Variants in BICC1 observed in about 807,000 individuals in gnomAD.
The protein encoded by BICC1 is protein bicaudal C homolog 1.
Under a neutral mutation model 111.0 loss-of-function variants are expected in BICC1, and 43 were observed. The ratio of observed to expected loss-of-function variants is 0.39; its 90% confidence interval spans 0.30 to 0.50. The LOEUF is 0.50. Ranked by LOEUF, BICC1 falls within the 20% of genes least tolerant of loss-of-function variation. The pLI, the probability that BICC1 is intolerant of heterozygous loss-of-function variation, is 0.88. For missense variants in BICC1, 1,091 were observed against 1,203.2 expected, an observed-to-expected ratio of 0.91 and a Z score of 1.38; for synonymous variants, 467 against 434.4, an observed-to-expected ratio of 1.07 and a Z score of -0.93.
chr10:58,812,283 T>C (rs571621675), intron 17 of BICC1, among the ~76,000 whole-genome samples: 1 of 152,064 alleles, frequency 6.6e-6, no homozygotes, highest in East Asian at 1.9e-4. Context: ...CTTGGACTTT[T>C]GGCTGGAGCA....
At chr10:58,688,883 G>GT (rs1427980233) in intron 2 of BICC1, among the ~76,000 whole-genome samples, 2 of 152,056 alleles carry the variant, frequency 1.3e-5, no homozygotes, top group Admixed American at 1.3e-4. Context: ...CTGTTGGGGA[G>GT]TGGGGGGCTA....
At chr10:58,767,537 G>A (rs1023686897) in intron 3 of BICC1, among the ~76,000 whole-genome samples, 8 of 152,152 alleles carry the variant, frequency 5.3e-5, no homozygotes, top group African/African-American at 1.4e-4. Flanking sequence ...GCAGAAACCC[G>A]ACACCAGCAA....
At chr10:58,824,069 A>G in intron 20 of BICC1, 1 of 984,280 alleles carries the variant, frequency 1.0e-6, no homozygotes, top group Non-Finnish European at 1.2e-6. Flanking sequence ...GCATGTTAAA[A>G]TAGCAAATAA....
At position 58,566,245 on chromosome 10, in the gene BICC1, C is replaced by T. The variant is rs535668971; in HGVS notation, c.190+52912C>T. Among the ~76,000 whole-genome samples, 174 of 151,088 alleles carry T rather than the reference C, an allele frequency of 1.2e-3. 1 individual carries two copies. The highest frequency in any genetic ancestry group is 2.1e-3 in the Non-Finnish European group (145 of 67,798). On this transcript the variant is annotated intron_variant, in intron 1 of 20. Coordinates refer to ENST00000373886, the MANE Select transcript of BICC1 (RefSeq NM_001080512.3). Reference sequence around the variant, plus strand: ...ATGTGTATATCTATACATGTACACACGTGCATATACATACGTGCATATGTA... The same window carrying T: ...ATGTGTATATCTATACATGTACACATGTGCATATACATACGTGCATATGTA...
intron 3 of BICC1, among the ~76,000 whole-genome samples, chr10:58,722,887 AG>A (rs1045465061): frequency 2.0e-5 from 3 of 149,340 alleles, no homozygotes; most frequent in Non-Finnish European, 4.5e-5. Context: ...AGGAAATTAG[AG>A]GGTGGTGTTT....
At chr10:58,627,717 A>G (rs1448081948) in intron 2 of BICC1, among the ~76,000 whole-genome samples, 1 of 152,168 alleles carries the variant, frequency 6.6e-6, no homozygotes, top group African/African-American at 2.4e-5. Flanking sequence ...TGTCTTTTCA[A>G]TGTCATGTGA....
At chr10:58,782,633 A>G (rs985607428) in intron 3 of BICC1, among the ~76,000 whole-genome samples, 1 of 152,200 alleles carries the variant, frequency 6.6e-6, no homozygotes, top group Non-Finnish European at 1.5e-5. Flanking sequence ...ACCAAAGTTA[A>G]GGATAGTTGA....
At chr10:58,729,116 C>T (rs538660049) in intron 3 of BICC1, among the ~76,000 whole-genome samples, 1 of 152,316 alleles carries the variant, frequency 6.6e-6, no homozygotes, top group South Asian at 2.1e-4. Flanking sequence ...GAGCATCAGT[C>T]TGTCTTTGAA....
In BICC1 at chr10:58,712,544, A is replaced by G. The variant is rs193128968; in HGVS notation, c.307+10401A>G. Among the ~76,000 whole-genome samples, 26 of 152,326 alleles carry G rather than the reference A, an allele frequency of 1.7e-4. No homozygotes were observed. In the East Asian group the frequency reaches 4.8e-3, roughly 28 times the overall value. On this transcript the variant is annotated intron_variant, in intron 3 of 20. Transcript: ENST00000373886. ...CTAAAAAGATATGAGCTATCAAACT[A>G]TGAAAGGGCATGGAGGATTCAATCT...
At chr10:58,807,993 G>A (rs1390594928) in intron 17 of BICC1, among the ~76,000 whole-genome samples, 1 of 151,758 alleles carries the variant, frequency 6.6e-6, no homozygotes, top group Admixed American at 6.6e-5. Context: ...CTAATAACTA[G>A]CATTTGTAGA....
intron 1 of BICC1, among the ~76,000 whole-genome samples, chr10:58,584,886 A>G (rs1193574282): frequency 6.6e-6 from 1 of 152,194 alleles, no homozygotes; most frequent in Non-Finnish European, 1.5e-5. Context: ...AAGACTAACC[A>G]GTCAAGTTAT....
chr10:58,621,954 T>TAGAAC, intron 2 of BICC1, among the ~76,000 whole-genome samples: 1 of 67,562 alleles, frequency 1.5e-5, no homozygotes, highest in East Asian at 4.1e-4. Flanking sequence ...TAGAATAGAA[T>TAGAAC]AGAATAGAAT....
At chr10:58,625,263 G>A (rs912311263) in intron 2 of BICC1, among the ~76,000 whole-genome samples, 2 of 152,156 alleles carry the variant, frequency 1.3e-5, no homozygotes, top group African/African-American at 4.8e-5. Context: ...CTTTTAATCA[G>A]TTCTTTTTTT....
At chr10:58,572,527 A>G (rs1843990369) in intron 1 of BICC1, among the ~76,000 whole-genome samples, 1 of 152,184 alleles carries the variant, frequency 6.6e-6, no homozygotes, top group Non-Finnish European at 1.5e-5. Flanking sequence ...GACTAAAAAT[A>G]CATTATTTTC....
At chr10:58,750,798 T>G (rs757429032) in intron 3 of BICC1, among the ~76,000 whole-genome samples, 4 of 152,164 alleles carry the variant, frequency 2.6e-5, no homozygotes, top group Non-Finnish European at 4.4e-5. Context: ...TAATTGTGAC[T>G]TAATGTTCCA....
At chr10:58,647,675 T>A (rs1193256952) in intron 2 of BICC1, among the ~76,000 whole-genome samples, 1 of 152,138 alleles carries the variant, frequency 6.6e-6, no homozygotes, top group Non-Finnish European at 1.5e-5. Flanking sequence ...AGAACCCTCT[T>A]TGGCTGCTCA....
intron 1 of BICC1, among the ~76,000 whole-genome samples, chr10:58,547,777 T>C (rs1324765090): frequency 6.6e-6 from 1 of 152,196 alleles, no homozygotes; most frequent in East Asian, 1.9e-4. Context: ...ATGGAAGCTC[T>C]TTCAGTTGGC....
chr10:58,619,816 G>C (rs1845741075), intron 1 of BICC1, among the ~76,000 whole-genome samples: 1 of 152,144 alleles, frequency 6.6e-6, no homozygotes, highest in African/African-American at 2.4e-5. Context: ...TGATTCTTAA[G>C]TGATTGCTCT....
intron 2 of BICC1, among the ~76,000 whole-genome samples, chr10:58,671,718 A>G (rs1453750284): frequency 1.3e-5 from 2 of 152,144 alleles, no homozygotes; most frequent in African/African-American, 4.8e-5. Context: ...ACTTCTTGAA[A>G]GAGTTATCTA....
Sources: gnomAD v4.1 joint callset for allele counts (sites outside exome capture counted in the v4.1 genomes callset) on GRCh38, gnomAD v4.1.1 for gene constraint, MANE v1.5 for transcripts, NCBI Gene and HGNC (gene_info 2026-07-23, HGNC 2026-07-21) for gene names.